The following ATP2B2 variants were observed in gnomAD, a reference collection of about 807,000 sequenced individuals.
ATP2B2 encodes ATPase plasma membrane Ca2+ transporting 2.
Under a neutral mutation model 120.0 loss-of-function variants are expected in ATP2B2, and 15 were observed. The observed-to-expected ratio is 0.12, with a 90% confidence interval of 0.08 to 0.19. The LOEUF is 0.19. ATP2B2 is among the 10% of genes least tolerant of loss of function. ATP2B2 has a pLI of 1.00. For missense variants in ATP2B2, 1,045 were observed against 1,719.8 expected, an observed-to-expected ratio of 0.61 and a Z score of 6.94; for synonymous variants, 694 against 700.3, an observed-to-expected ratio of 0.99 and a Z score of 0.14.
intron 2 of ATP2B2, among the ~76,000 whole-genome samples, chr3:10,546,747 T>C (rs925342766): frequency 2.0e-5 from 3 of 152,198 alleles, no homozygotes; most frequent in Admixed American, 2.0e-4. Flanking sequence ...CCTATTGATC[T>C]TGCAGCCTCC....
intron 14 of ATP2B2, among the ~76,000 whole-genome samples, chr3:10,356,808 A>G (rs1183967023): frequency 7.2e-5 from 11 of 152,216 alleles, no homozygotes; most frequent in Admixed American, 7.2e-4. Flanking sequence ...AGGGAGGCTG[A>G]TAAACGGCCT....
At chr3:10,502,224 C>T (rs571468684) in intron 1 of ATP2B2, among the ~76,000 whole-genome samples, 21 of 152,302 alleles carry the variant, frequency 1.4e-4, no homozygotes, top group Middle Eastern at 3.4e-3. Context: ...TCACCTGCTC[C>T]GGCTCCTGAT....
At chr3:10,564,866 C>G (rs1362175043) in intron 2 of ATP2B2, among the ~76,000 whole-genome samples, 1 of 152,218 alleles carries the variant, frequency 6.6e-6, no homozygotes, top group Non-Finnish European at 1.5e-5. Flanking sequence ...AATGCACTCT[C>G]CTACTCTCCC....
At chr3:10,459,775 A>C (rs1466179034) in intron 1 of ATP2B2, among the ~76,000 whole-genome samples, 11 of 152,368 alleles carry the variant, frequency 7.2e-5, no homozygotes, top group Admixed American at 2.0e-4. Flanking sequence ...AGCTTGTTTA[A>C]TCCTTCACAA....
chr3:10,523,595 G>T (rs1027210985), intron 3 of ATP2B2, among the ~76,000 whole-genome samples: 3 of 152,220 alleles, frequency 2.0e-5, no homozygotes, highest in Non-Finnish European at 2.9e-5. Flanking sequence ...TTTATATGCA[G>T]CAGCACCTCT....
chr3:10,565,869 G>C (rs1350016163), intron 2 of ATP2B2, among the ~76,000 whole-genome samples: 1 of 152,088 alleles, frequency 6.6e-6, no homozygotes, highest in Non-Finnish European at 1.5e-5. Context: ...TTGGGCAAGC[G>C]AATAAAACTC....
chr3:10,410,127 C>T (rs1272320821), intron 3 of ATP2B2, among the ~76,000 whole-genome samples: 1 of 152,098 alleles, frequency 6.6e-6, no homozygotes, highest in Non-Finnish European at 1.5e-5. Context: ...CTTTTCTGTG[C>T]CTTGGTTTCC....
chr3:10,414,435 G>A (rs2062715223), intron 2 of ATP2B2, among the ~76,000 whole-genome samples: 1 of 152,132 alleles, frequency 6.6e-6, no homozygotes, highest in Admixed American at 6.5e-5. Context: ...GGTGGGTTTT[G>A]TGAATGAGTG....
chr3:10,612,910 G>A (rs2069281256), intron 2 of ATP2B2, among the ~76,000 whole-genome samples: 2 of 152,306 alleles, frequency 1.3e-5, no homozygotes, highest in Non-Finnish European at 2.9e-5. Context: ...CATGGTAGGA[G>A]TATCTTTGTT....
At chr3:10,592,245 C>T (rs1559475292) in intron 2 of ATP2B2, among the ~76,000 whole-genome samples, 1 of 152,150 alleles carries the variant, frequency 6.6e-6, no homozygotes, top group Non-Finnish European at 1.5e-5. Flanking sequence ...AGTGAATACT[C>T]AATAGAGGCA....
chr3:10,367,940 G>A (rs1297650176), intron 12 of ATP2B2, among the ~76,000 whole-genome samples: 1 of 152,208 alleles, frequency 6.6e-6, no homozygotes, highest in Non-Finnish European at 1.5e-5. Flanking sequence ...ACTGGCTCAG[G>A]ATCACACAGG....
chr3:10,552,627 G>T (rs1316099261), intron 2 of ATP2B2, among the ~76,000 whole-genome samples: 3 of 152,214 alleles, frequency 2.0e-5, no homozygotes, highest in Non-Finnish European at 4.4e-5. Flanking sequence ...TCCTCAGGAT[G>T]ACTTGTTCTT....
chr3:10,369,422 T>C, intron 12 of ATP2B2, among the ~76,000 whole-genome samples: 1 of 152,208 alleles, frequency 6.6e-6, no homozygotes, highest in East Asian at 1.9e-4. Flanking sequence ...AGGGTTGGTA[T>C]CTATGACCAA....
intron 3 of ATP2B2, among the ~76,000 whole-genome samples, chr3:10,524,636 T>A (rs1244507485): frequency 6.6e-6 from 1 of 152,160 alleles, no homozygotes; most frequent in East Asian, 1.9e-4. Context: ...CAGCTCTCCT[T>A]CCCTCTTCTA....
intron 1 of ATP2B2, among the ~76,000 whole-genome samples, chr3:10,469,963 C>T (rs772485155): frequency 5.3e-5 from 8 of 152,012 alleles, no homozygotes; most frequent in African/African-American, 1.2e-4. Flanking sequence ...GAGCCCAGAC[C>T]CAGGTGAGGG....
intron 1 of ATP2B2, among the ~76,000 whole-genome samples, chr3:10,665,477 A>T (rs572208345): frequency 1.3e-5 from 2 of 152,088 alleles, no homozygotes; most frequent in African/African-American, 2.4e-5. Context: ...CTTGACACGT[A>T]ACTGTGGGGT....
chr3:10,355,314 T>A (rs151064759), intron 14 of ATP2B2, among the ~76,000 whole-genome samples: 1 of 152,278 alleles, frequency 6.6e-6, no homozygotes, highest in African/African-American at 2.4e-5. Flanking sequence ...TTAGAACCCA[T>A]GTCCCTTGAG....
chr3:10,627,302 C>T (rs1394856757), intron 1 of ATP2B2, among the ~76,000 whole-genome samples: 1 of 152,228 alleles, frequency 6.6e-6, no homozygotes, highest in Non-Finnish European at 1.5e-5. Context: ...CCATCTCGCT[C>T]TGCCTTTGGG....
intron 1 of ATP2B2, among the ~76,000 whole-genome samples, chr3:10,491,700 G>T (rs2065941451): frequency 6.6e-6 from 1 of 151,934 alleles, no homozygotes; most frequent in South Asian, 2.1e-4. Flanking sequence ...ATAAAGCTGT[G>T]GGCTACACAT....
Sources: gnomAD v4.1 joint callset for allele counts (sites outside exome capture counted in the v4.1 genomes callset) on GRCh38, gnomAD v4.1.1 for gene constraint, MANE v1.5 for transcripts, NCBI Gene and HGNC (gene_info 2026-07-23, HGNC 2026-07-21) for gene names.